Variants in KMT2D observed in about 807,000 individuals in gnomAD.
The protein encoded by KMT2D is lysine methyltransferase 2D.
Under a neutral mutation model 512.7 loss-of-function variants are expected in KMT2D, and 55 were observed. The observed-to-expected ratio is 0.11, with a 90% CI of 0.09 to 0.13. The LOEUF (loss-of-function observed/expected upper bound fraction) is 0.13. KMT2D is among the 10% of genes least tolerant of loss of function. The probability of loss-of-function intolerance (pLI) is 1.00; values close to 1 mark genes in which losing one functional copy is unlikely to be tolerated. For synonymous variants in KMT2D, 2,995 were observed against 2,904.0 expected, an observed-to-expected ratio of 1.03 and a Z score of -1.01; for missense variants, 6,061 against 7,127.9, an observed-to-expected ratio of 0.85 and a Z score of 5.39.
Position 49,038,013 on chromosome 12 carries a change from G to A in KMT2D, c.9343C>T (p.Leu3115Phe), listed in dbSNP as rs587778471. 204 of 1,607,036 alleles carry A rather than the reference G, an allele frequency of 1.3e-4. No homozygotes were observed. In the Admixed American group the frequency reaches 3.4e-3, roughly 27 times the overall value. ...TCCACCTTGGGCTTCACCTCAGGGAGCACAGATGCCAGGCGGGGTTCAGAG... is the reference window on the plus strand; with the variant it reads ...TCCACCTTGGGCTTCACCTCAGGGAACACAGATGCCAGGCGGGGTTCAGAG... ...DASEPRLASV[L>F]PEVKPKVEEG... Residue 3115 changes from leucine to phenylalanine, a missense_variant, in exon 35 of 55, where the codon CTC (leucine) becomes TTC (phenylalanine). Physicochemically the swap from Leu to Phe is conservative, Grantham distance 22. Around this residue, in one of 16 missense-constraint regions of KMT2D, gnomAD observed 533 missense variants for 539.6 expected, o/e 0.99. Coordinates refer to ENST00000301067, the MANE Select transcript of KMT2D (RefSeq NM_003482.4). This position sits in a 1 kb window ranked among gnomAD's most constrained non-coding sequence, Gnocchi z 5.7.
At position 49,054,831 on chromosome 12, in the gene KMT2D, C is replaced by T; in HGVS notation, c.176+69G>A. Reference sequence around the variant, plus strand: ...GGCATGCCCATGCTTCCCCAACACTCATTTTCCTAAATTCTCTTCCTTGAA... The same window carrying T: ...GGCATGCCCATGCTTCCCCAACACTTATTTTCCTAAATTCTCTTCCTTGAA... On this transcript the variant is annotated intron_variant, in intron 3 of 54. Transcript: ENST00000301067. This position sits in a 1 kb window ranked among gnomAD's most constrained non-coding sequence, Gnocchi z 6.4. The T allele has an allele frequency of 6.2e-7, 1 of 1,603,966 alleles. No homozygotes were observed. Among genetic ancestry groups the T allele is most frequent in the South Asian group, 1.1e-5 (1 of 90,562 alleles).
In KMT2D at chr12:49,024,099, C is replaced by T. The variant is rs891801581; in HGVS notation, c.16052+479G>A. ...TCAAATGAGATAATGGATGTGAAAA[C>T]GCTTTGAAAAAAAAAGTATAAAGTG... On this transcript the variant is annotated intron_variant, in intron 51 of 54. Coordinates refer to ENST00000301067, the MANE Select transcript of KMT2D (RefSeq NM_003482.4). The surrounding 1 kb of genome is among the most constrained non-coding windows in gnomAD (Gnocchi z 4.5). 2.0e-5 allele frequency: 9 copies of T among 452,854 alleles called. No individual in the cohort carries two copies. Among genetic ancestry groups the T allele is most frequent in the Middle Eastern group, 3.3e-4 (1 of 3,066 alleles). 28.1% of individuals were successfully genotyped at this position (452,854 alleles called of 1,614,324 possible).
Position 49,042,732 on chromosome 12 carries a change from C to A in KMT2D, c.5782+9G>T, listed in dbSNP as rs1309260242. 6.2e-7 allele frequency: 1 copy of A among 1,612,018 alleles called. No homozygotes were observed. Among genetic ancestry groups the A allele is most frequent in the South Asian group, 1.1e-5 (1 of 90,964 alleles). On this transcript the variant is annotated intron_variant, in intron 27 of 54. Transcript: ENST00000301067. This position sits in a 1 kb window ranked among gnomAD's most constrained non-coding sequence, Gnocchi z 4.4. ...ATGTCAGTCTTCAGACCACTCCCAC[C>A]TGTATTACCTTGAAGAAAGGGCCTC...
chr12:49,037,660 C>A lies in KMT2D; in HGVS notation c.9696G>T (p.Glu3232Asp), dbSNP rs2120483793. 1 of 1,580,180 alleles carries A rather than the reference C, an allele frequency of 6.3e-7. No individual in the cohort carries two copies. The highest frequency in any genetic ancestry group is 8.6e-7 in the Non-Finnish European group (1 of 1,162,906). The change falls in exon 35 of 55, where the codon GAG (glutamate) becomes GAT (aspartate). Residue 3232 changes from glutamate (E) to aspartate (D), a missense_variant. Transcript: ENST00000301067. ...CCAGTGAGCTCTCCATCTTGTCTAG[C>A]TCATCCCCAGATGCTGCAGGTCCAC... ...LPGGPAASGD[E>D]LDKMESSLVA...
rs1234576690 is a variant in KMT2D, at chr12:49,022,460, T to C, written c.16339-107A>G. On this transcript the variant is annotated intron_variant, in intron 52 of 54. Coordinates refer to ENST00000301067, the MANE Select transcript of KMT2D (RefSeq NM_003482.4). This position sits in a 1 kb window ranked among gnomAD's most constrained non-coding sequence, Gnocchi z 8.6. Reference sequence around the variant, plus strand: ...AGGCAGTGGGGGCTTTTGTTGCATGTACTTCATTTCTCCTGCCTTTCCCTT... The same window carrying C: ...AGGCAGTGGGGGCTTTTGTTGCATGCACTTCATTTCTCCTGCCTTTCCCTT... The C allele has an allele frequency of 6.7e-7, 1 of 1,488,510 alleles. No homozygotes were observed. Among genetic ancestry groups the C allele is most frequent in the Non-Finnish European group, 9.3e-7 (1 of 1,080,964 alleles). 92.2% of individuals were successfully genotyped at this position (1,488,510 alleles called of 1,614,324 possible). A position where few individuals can be genotyped will look rare whatever the true frequency, so the allele number is the denominator to read the frequency against.
rs759094964 is a variant in KMT2D at position 49,040,741 on chromosome 12, C to T, written c.7029G>A (p.Pro2343=). Residue 2343 remains proline, a synonymous_variant, in exon 32 of 55, where the codon CCG becomes CCA. Coordinates refer to ENST00000301067, the MANE Select transcript of KMT2D (RefSeq NM_003482.4). ...PRASQVEPQS[P]GLGLRPQEPP... ...GCTCCTGGGGCCTTAGGCCCAAGCCCGGGCTCTGGGGCTCTACCTGAGATG... is the reference window on the plus strand; with the variant it reads ...GCTCCTGGGGCCTTAGGCCCAAGCCTGGGCTCTGGGGCTCTACCTGAGATG... The T allele has an allele frequency of 6.8e-6, 11 of 1,613,222 alleles. No individual in the cohort carries two copies. The highest frequency in any genetic ancestry group is 5.3e-5 in the African/African-American group (4 of 74,776).
Position 49,038,223 on chromosome 12 carries a change from C to T in KMT2D, c.9133G>A (p.Asp3045Asn), listed in dbSNP as rs2120492416. 6.2e-7 allele frequency: 1 copy of T among 1,613,890 alleles called. No homozygotes were observed. Residue 3045 changes from aspartate to asparagine, a missense_variant, in exon 35 of 55, where the codon GAC becomes AAC. Physicochemically the swap from Asp to Asn is conservative, Grantham distance 23. Coordinates refer to ENST00000301067, the MANE Select transcript of KMT2D (RefSeq NM_003482.4). The surrounding 1 kb of genome is among the most constrained non-coding windows in gnomAD (Gnocchi z 5.7). ...GTATATGCCAGCAGGTCAAACTCGT[C>T]TCCATTGAGCAGGTCATCCAAGTGG... ...DPHLDDLLNG[D>N]EFDLLAYTDP... is the part of the protein sequence containing the mutation.
In KMT2D at chr12:49,041,377, G is replaced by A. The variant is rs1224373654; in HGVS notation, c.6393C>T (p.Thr2131=). 6.3e-7 allele frequency: 1 copy of A among 1,598,188 alleles called. No individual in the cohort carries two copies. The highest frequency in any genetic ancestry group is 8.5e-7 in the Non-Finnish European group (1 of 1,171,754). Residue 2131 remains threonine, a synonymous_variant, in exon 32 of 55, where the codon ACC becomes ACT. Transcript: ENST00000301067. This position sits in a 1 kb window ranked among gnomAD's most constrained non-coding sequence, Gnocchi z 5.4. ...CCGCAGAGGTAGACAAGCCGGCGGG[G>A]GTAGTGGGGCTGCCAATGAAAATGG... ...APTIFIGSPT[T]PAGLSTSADG...
rs2120483602 is a variant in KMT2D at position 49,037,651 on chromosome 12, C to T, written c.9705G>A (p.Lys3235=). ...CGCTGGCTACCAGTGAGCTCTCCAT[C>T]TTGTCTAGCTCATCCCCAGATGCTG... ...GPAASGDELD[K]MESSLVASEL... Residue 3235 remains lysine, a synonymous_variant, in exon 35 of 55, where the codon AAG becomes AAA. Transcript: ENST00000301067. 6.3e-7 allele frequency: 1 copy of T among 1,576,930 alleles called. No individual in the cohort carries two copies. The highest frequency in any genetic ancestry group is 8.6e-7 in the Non-Finnish European group (1 of 1,161,114).
intron 35 of KMT2D, among the ~76,000 whole-genome samples, chr12:49,036,478 ATTTTTTTTTTTTTTTT>A (rs34412400): frequency 0.041 from 3,055 of 73,646 alleles, 144 homozygotes; most frequent in African/African-American, 0.16. Flanking sequence ...CACCCAGCTA[ATTTTTTTTTTTTTTTT>A]TTTTTTTTTT....
chr12:49,044,046 C>T lies in KMT2D; in HGVS notation c.5189-48G>A, dbSNP rs1043564439. Reference sequence around the variant, plus strand: ...AGACTCGGGTTGAGAGCATGCTGCTCCCAACTTGCAGGGTGACACTTTGTG... The same window carrying T: ...AGACTCGGGTTGAGAGCATGCTGCTTCCAACTTGCAGGGTGACACTTTGTG... On this transcript the variant is annotated intron_variant, in intron 22 of 54. Transcript: ENST00000301067. The surrounding 1 kb of genome is among the most constrained non-coding windows in gnomAD (Gnocchi z 6.4). The T allele has an allele frequency of 1.1e-5, 18 of 1,609,602 alleles. No individual in the cohort carries two copies. Among genetic ancestry groups the T allele is most frequent in the Non-Finnish European group, 1.5e-5 (18 of 1,177,152 alleles).
At position 49,024,910 on chromosome 12, in the gene KMT2D, A is replaced by G. The variant is rs1277197398; in HGVS notation, c.15821T>C (p.Met5274Thr). ...TCGCAGCATGTCAGCCTCTTTTCTC[A>G]TGGCAGCCACAGGCTCAATGATGCG... is the stretch of plus-strand genomic sequence containing the variant. ...WNRIIEPVAAMRKEADMLRLF... is the reference protein window; with the variant it reads ...WNRIIEPVAATRKEADMLRLF... Residue 5274 changes from methionine (M) to threonine (T), a missense_variant, in exon 50 of 55, where the codon ATG becomes ACG. Met to Thr is a moderately conservative substitution (Grantham distance 81). Transcript: ENST00000301067. The surrounding 1 kb of genome is among the most constrained non-coding windows in gnomAD (Gnocchi z 4.5). 6.3e-7 allele frequency: 1 copy of G among 1,599,154 alleles called. No individual in the cohort carries two copies. The highest frequency in any genetic ancestry group is 8.5e-7 in the Non-Finnish European group (1 of 1,172,888).
chr12:49,048,505 T>C (rs923151589), intron 14 of KMT2D, among the ~76,000 whole-genome samples, 154 bp downstream of exon 14: 6 of 152,266 alleles, frequency 3.9e-5, no homozygotes, highest in African/African-American at 9.6e-5. Flanking sequence ...AGAAATGTGA[T>C]GGATGGACAA....
rs1339896425 is a variant in KMT2D at position 49,030,938 on chromosome 12, C to A, written c.13626G>T (p.Glu4542Asp). 2 of 1,614,000 alleles carry A rather than the reference C, an allele frequency of 1.2e-6. No individual in the cohort carries two copies. The highest frequency in any genetic ancestry group is 3.3e-5 in the Admixed American group (2 of 60,026). Residue 4542 changes from glutamate (E) to aspartate (D), a missense_variant, in exon 41 of 55, where the codon GAG becomes GAT. Physicochemically the swap from Glu to Asp is conservative, Grantham distance 45. This residue lies in a region of KMT2D where 1,600 missense variants were observed against 1,754.9 expected (regional missense o/e 0.91). Coordinates refer to ENST00000301067, the MANE Select transcript of KMT2D (RefSeq NM_003482.4). ...AGGCCTCGCTGGCCCTGACCCCGTCCTCCTTCCGCAGCTTCTTTCGGGAGC... is the reference window on the plus strand; with the variant it reads ...AGGCCTCGCTGGCCCTGACCCCGTCATCCTTCCGCAGCTTCTTTCGGGAGC... The part of the protein sequence containing the change: ...LVSSRKKLRK[E>D]DGVRASEALL...
At chr12:49,048,840 G>T in intron 13 of KMT2D, 71 bp from the exon 14 acceptor site, 1 of 1,044,678 alleles carries the variant, frequency 9.6e-7, no homozygotes. Context: ...CCTCTTTGGT[G>T]TTGGGGGAAG....
At position 49,052,168 on chromosome 12, in the gene KMT2D, G is replaced by C. The variant is rs1374087453; in HGVS notation, c.1515C>G (p.Pro505=). ...SPPPEESPLS[P]PPESSPFSPL... ...GAGAAAAAGGTGATGATTCAGGTGG[G>C]GGAGACAGAGGAGACTCCTCAGGCG... is the stretch of plus-strand genomic sequence containing the variant. Residue 505 remains proline (P), a synonymous_variant, in exon 11 of 55, where the codon CCC becomes CCG. Transcript: ENST00000301067. 12 of 1,612,118 alleles carry C rather than the reference G, an allele frequency of 7.4e-6. No homozygotes were observed. The highest frequency in any genetic ancestry group is 9.3e-6 in the Non-Finnish European group (11 of 1,179,260).
rs1942165107 is a variant in KMT2D, at chr12:49,019,129, G to A, written c.*2651C>T. Reference sequence around the variant, plus strand: ...TGCCAAGGACAGGGGCGCTGAGGGTGGAGGGAGAGAGGGCGCTTTAAAAAA... The same window carrying A: ...TGCCAAGGACAGGGGCGCTGAGGGTAGAGGGAGAGAGGGCGCTTTAAAAAA... On this transcript the variant is annotated 3_prime_UTR_variant, in exon 55 of 55. Transcript: ENST00000301067. The A allele has an allele frequency of 8.7e-7, 1 of 1,147,482 alleles. No individual in the cohort carries two copies. The highest frequency in any genetic ancestry group is 2.9e-5 in the South Asian group (1 of 34,192). 71.1% of individuals were successfully genotyped at this position (1,147,482 alleles called of 1,614,324 possible).
chr12:49,031,581 C>T lies in KMT2D; in HGVS notation c.13124G>A (p.Gly4375Glu). ...LADTLFSKGL[G>E]PWDPPDNLAE... ...TAGGTTGTCTGGGGGATCCCAAGGT[C>T]CCAGACCCTTGCTAAACAAGGTATC... The change falls in exon 40 of 55, where the codon GGA (glycine) becomes GAA (glutamate). Residue 4375 changes from glycine to glutamate, a missense_variant. Transcript: ENST00000301067. 6.2e-7 allele frequency: 1 copy of T among 1,600,086 alleles called. No individual in the cohort carries two copies. The highest frequency in any genetic ancestry group is 8.5e-7 in the Non-Finnish European group (1 of 1,173,304).
Position 49,040,582 on chromosome 12 carries a change from A to G in KMT2D, c.7188T>C (p.Cys2396=), listed in dbSNP as rs111305262. 4,798 of 1,613,274 alleles carry G rather than the reference A, an allele frequency of 3.0e-3. 134 individuals are homozygous for G. The African/African-American group carries it at 0.055, about 18-fold the overall frequency. The change falls in exon 32 of 55, where the codon TGT becomes TGC. Residue 2396 remains cysteine (C), a synonymous_variant. Transcript: ENST00000301067. ...AGGGCAGTGAGCGAGGGGGCAGAGC[A>G]CAGCAGCTCTCAGGGGGCGGAGGTT... ...RPQPPPPESC[C]ALPPRSLPSD... is the part of the protein sequence containing the mutation.
Sources: gnomAD v4.1 joint callset for allele counts (sites outside exome capture counted in the v4.1 genomes callset) on GRCh38, gnomAD v4.1.1 for gene constraint, gnomAD v4.1.1 regional missense constraint, Gnocchi (gnomAD v3.1) non-coding constraint, MANE v1.5 for transcripts, NCBI Gene and HGNC (gene_info 2026-07-23, HGNC 2026-07-21) for gene names.